The following CSE1L variants were observed in gnomAD, a reference collection of about 807,000 sequenced individuals.
CSE1L encodes the protein exportin-2.
Under a neutral mutation model 120.4 loss-of-function variants are expected in CSE1L, and 24 were observed. That is an observed-to-expected ratio of 0.20 (90% CI 0.14 to 0.28). CSE1L has a LOEUF of 0.28. CSE1L is among the 10% of genes least tolerant of loss of function. CSE1L has a pLI of 1.00. For missense variants in CSE1L, 830 were observed against 1,145.2 expected (o/e 0.72, Z 3.97); for synonymous variants, 402 against 398.3 (o/e 1.01, Z -0.11).
Position 49,096,495 on chromosome 20 carries a change from T to A in CSE1L, c.*57T>A. On this transcript the variant is annotated 3_prime_UTR_variant, in exon 25 of 25. Transcript: ENST00000262982. ...GGTTTCCTAGGAAATCACAGGCTTC[T>A]GAGCACAGCTGCATTAAAACAAAGG... The A allele has an allele frequency of 8.1e-7, 1 of 1,238,846 alleles. No homozygotes were observed. Among genetic ancestry groups the A allele is most frequent in the Non-Finnish European group, 1.2e-6 (1 of 839,990 alleles). The allele number at this position is 1,238,846 out of a possible 1,614,324, so 76.7% of individuals were successfully genotyped here.
chr20:49,086,070 C>A (rs1600544103), intron 16 of CSE1L, among the ~76,000 whole-genome samples: 1 of 152,272 alleles, frequency 6.6e-6, no homozygotes, highest in East Asian at 1.9e-4. Context: ...GCCAAGGACA[C>A]AGGCAGCTGT....
intron 14 of CSE1L, among the ~76,000 whole-genome samples, chr20:49,079,580 C>CT (rs1203830075): frequency 3.3e-5 from 5 of 151,932 alleles, no homozygotes; most frequent in Admixed American, 6.6e-5. Flanking sequence ...ATCTTAGAGA[C>CT]TTTCTCACAT....
chr20:49,059,131 A>C (rs78942069), intron 2 of CSE1L, among the ~76,000 whole-genome samples: 1 of 138,380 alleles, frequency 7.2e-6, no homozygotes, highest in Non-Finnish European at 1.6e-5. Flanking sequence ...ACTCCGTCTC[A>C]AAAAAAAAAA....
Position 49,089,809 on chromosome 20 carries a change from G to A in CSE1L, c.2181+63G>A. 2.0e-6 allele frequency: 3 copies of A among 1,467,842 alleles called. No individual in the cohort carries two copies. In the South Asian group the frequency reaches 3.5e-5, roughly 17 times the overall value. 90.9% of individuals were successfully genotyped at this position (1,467,842 alleles called of 1,614,324 possible). ...TAGCTTGGAGAAACTGGGGATGGCA[G>A]ATGTTTGAAATTTTTTTATTTAAAA... On this transcript the variant is annotated intron_variant, in intron 19 of 24. Transcript: ENST00000262982.
At chr20:49,057,166 A>AT (rs954504070) in intron 1 of CSE1L, among the ~76,000 whole-genome samples, 12 of 150,650 alleles carry the variant, frequency 8.0e-5, no homozygotes, top group Admixed American at 6.6e-4. Flanking sequence ...TCTCTACAAA[A>AT]TTTTTTTTTT....
intron 17 of CSE1L, 100 bp from the exon 18 acceptor site, chr20:49,089,144 AATT>A (rs1307878381): frequency 5.6e-6 from 6 of 1,063,328 alleles, no homozygotes; most frequent in Middle Eastern, 3.3e-4. Flanking sequence ...TTTTTTTCTT[AATT>A]TTGATTTTTA....
Position 49,076,996 on chromosome 20 carries a change from C to T in CSE1L, c.1352C>T (p.Ala451Val). Residue 451 changes from alanine (A) to valine (V), a missense_variant, in exon 13 of 25, where the codon GCA (alanine) becomes GTA (valine). By Grantham distance (64) the Ala-to-Val change is moderately conservative (BLOSUM62 0). Coordinates refer to ENST00000262982, the MANE Select transcript of CSE1L (RefSeq NM_001316.4). Reference sequence around the variant, plus strand: ...GCTTTTCAGCATGGAATTACACAAGCAAATGAACTTGTAAACCTAACTGAG... The same window carrying T: ...GCTTTTCAGCATGGAATTACACAAGTAAATGAACTTGTAAACCTAACTGAG... ...AQTQKHGITQ[A>V]NELVNLTEFF... 1 of 1,604,328 alleles carries T rather than the reference C, an allele frequency of 6.2e-7. No individual in the cohort carries two copies. The highest frequency in any genetic ancestry group is 8.5e-7 in the Non-Finnish European group (1 of 1,176,084).
At chr20:49,056,209 G>A (rs989451667) in intron 1 of CSE1L, among the ~76,000 whole-genome samples, 18 of 151,766 alleles carry the variant, frequency 1.2e-4, no homozygotes, top group African/African-American at 3.9e-4. Flanking sequence ...AGGTTCAAGC[G>A]ATTCTCCTGC....
chr20:49,094,266 C>A lies in CSE1L; in HGVS notation c.2574C>A (p.Asp858Glu). 1 of 1,612,694 alleles carries A rather than the reference C, an allele frequency of 6.2e-7. No homozygotes were observed. ...TAACAGAATGTCCCCCAATGATGGA[C>A]ACTGAGTATACCAAACTGTGGTAAG... ...KLLTECPPMMDTEYTKLWTPL... is the reference protein window; with the variant it reads ...KLLTECPPMMETEYTKLWTPL... The change falls in exon 23 of 25, where the codon GAC becomes GAA. Residue 858 changes from aspartate (D) to glutamate (E), a missense_variant. Asp to Glu is a conservative substitution (Grantham distance 45, BLOSUM62 2). This residue lies in a region of CSE1L where 112 missense variants were observed against 200.0 expected (regional missense o/e 0.56). Transcript: ENST00000262982.
intron 3 of CSE1L, among the ~76,000 whole-genome samples, chr20:49,065,313 A>AATTT (rs775165525): frequency 3.5e-4 from 18 of 52,114 alleles, no homozygotes; most frequent in South Asian, 8.7e-4. Flanking sequence ...TGAAAAAAAA[A>AATTT]TTTTTTTTTT....
intron 15 of CSE1L, among the ~76,000 whole-genome samples, 172 bp from the exon 16 acceptor site, chr20:49,085,111 C>G (rs1259243648): frequency 6.6e-6 from 1 of 152,084 alleles, no homozygotes; most frequent in Non-Finnish European, 1.5e-5. Context: ...TTCTTAGGAG[C>G]CTAACATGAG....
Position 49,094,738 on chromosome 20 carries a change from A to G in CSE1L, c.2601A>G (p.Pro867=). The G allele has an allele frequency of 6.2e-7, 1 of 1,610,138 alleles. No homozygotes were observed. The highest frequency in any genetic ancestry group is 1.1e-5 in the South Asian group (1 of 90,964). ...TTGCTTTCTTCCAATCCAGGACTCCATTATTACAGTCTTTGATTGGTCTTT... is the reference window on the plus strand; with the variant it reads ...TTGCTTTCTTCCAATCCAGGACTCCGTTATTACAGTCTTTGATTGGTCTTT... The part of the protein sequence containing the change: ...MDTEYTKLWT[P]LLQSLIGLFE... Residue 867 remains proline (P), a synonymous_variant, in exon 24 of 25, where the codon CCA becomes CCG. Coordinates refer to ENST00000262982, the MANE Select transcript of CSE1L (RefSeq NM_001316.4).
intron 5 of CSE1L, among the ~76,000 whole-genome samples, chr20:49,066,727 A>G (rs1375488188): frequency 6.6e-6 from 1 of 152,058 alleles, no homozygotes; most frequent in East Asian, 1.9e-4. Flanking sequence ...AAACTGCTTG[A>G]TCCCTTTAAA....
At chr20:49,074,704 T>C in intron 10 of CSE1L, 81 bp from the exon 11 acceptor site, 9 of 1,171,266 alleles carry the variant, frequency 7.7e-6, no homozygotes, top group Non-Finnish European at 8.5e-6. Context: ...AAGGCAGTTT[T>C]ACATACTCTT....
At chr20:49,091,660 CT>C (rs969028988) in intron 21 of CSE1L, among the ~76,000 whole-genome samples, 1 of 152,130 alleles carries the variant, frequency 6.6e-6, no homozygotes, top group Non-Finnish European at 1.5e-5. Flanking sequence ...GAAGTTAAGG[CT>C]GCGTGAGCTG....
chr20:49,052,922 A>C (rs1189049516), intron 1 of CSE1L, among the ~76,000 whole-genome samples: 2 of 152,186 alleles, frequency 1.3e-5, no homozygotes, highest in Non-Finnish European at 2.9e-5. Flanking sequence ...AATTATGAGG[A>C]ATCTAAGGAG....
At chr20:49,053,187 C>G (rs1372320055) in intron 1 of CSE1L, among the ~76,000 whole-genome samples, 1 of 131,040 alleles carries the variant, frequency 7.6e-6, no homozygotes, top group Non-Finnish European at 1.6e-5. Context: ...CAAAATAGAT[C>G]TGTAAATCTG....
In CSE1L at chr20:49,096,388, C is replaced by A. The variant is rs769741319; in HGVS notation, c.2866C>A (p.Leu956Ile). The change falls in exon 25 of 25, where the codon CTC (leucine) becomes ATC (isoleucine). Residue 956 changes from leucine (L) to isoleucine (I), a missense_variant. Physicochemically the swap from Leu to Ile is conservative, Grantham distance 5. Transcript: ENST00000262982. ...MVSTSLNAEALQYLQGYLQAA... is the reference protein window; with the variant it reads ...MVSTSLNAEAIQYLQGYLQAA... ...GAGCACCAGCCTGAATGCAGAAGCG[C>A]TCCAGTATCTCCAAGGGTACCTTCA... The A allele has an allele frequency of 6.2e-7, 1 of 1,614,170 alleles. No homozygotes were observed. The highest frequency in any genetic ancestry group is 8.5e-7 in the Non-Finnish European group (1 of 1,180,014).
At chr20:49,075,166 T>A in intron 11 of CSE1L, 152 bp from the exon 12 acceptor site, 1 of 614,330 alleles carries the variant, frequency 1.6e-6, no homozygotes, top group Non-Finnish European at 2.8e-6. Flanking sequence ...GTGTTGCTGA[T>A]AGCTATTGGG....
Sources: gnomAD v4.1 joint callset for allele counts (sites outside exome capture counted in the v4.1 genomes callset) on GRCh38, gnomAD v4.1.1 for gene constraint, gnomAD v4.1.1 regional missense constraint, MANE v1.5 for transcripts, NCBI Gene and HGNC (gene_info 2026-07-23, HGNC 2026-07-21) for gene names.